The following LIPI variants were observed in gnomAD, a reference collection of about 807,000 sequenced individuals.
LIPI encodes lipase I.
Under a neutral mutation model 50.6 loss-of-function variants are expected in LIPI, and 59 were observed. The ratio of observed to expected loss-of-function variants is 1.16; its 90% CI spans 0.94 to 1.45. The LOEUF is 1.45. LIPI is among the 40% of genes most tolerant of loss of function. The pLI is 0.00. For missense variants in LIPI, 586 were observed against 536.3 expected (o/e 1.09, Z -0.92); for synonymous variants, 203 against 178.2 (o/e 1.14, Z -1.11).
chr21:14,191,776 GAAACTT>G (rs1214831711), intron 1 of LIPI, among the ~76,000 whole-genome samples: 2 of 152,130 alleles, frequency 1.3e-5, no homozygotes, highest in Non-Finnish European at 2.9e-5. Context: ...AGAACCTTAG[GAAACTT>G]AATGCAAGCA....
chr21:14,182,415 T>G (rs2019305129), intron 3 of LIPI, among the ~76,000 whole-genome samples: 1 of 152,160 alleles, frequency 6.6e-6, no homozygotes, highest in African/African-American at 2.4e-5. Context: ...TTCTGGGTTA[T>G]CTTAATTTCT....
chr21:14,145,897 A>G (rs1032780239), intron 8 of LIPI, among the ~76,000 whole-genome samples: 1 of 152,076 alleles, frequency 6.6e-6, no homozygotes, highest in Non-Finnish European at 1.5e-5. Flanking sequence ...AGACACCAGA[A>G]AAAGGACATG....
intron 9 of LIPI, among the ~76,000 whole-genome samples, chr21:14,142,602 C>T (rs2017752880): frequency 6.6e-6 from 1 of 151,308 alleles, no homozygotes; most frequent in Admixed American, 6.6e-5. Context: ...CCCACCTCAG[C>T]CTCCTTAGCA....
At chr21:14,205,777 A>C (rs953795249) in intron 1 of LIPI, among the ~76,000 whole-genome samples, 2 of 152,126 alleles carry the variant, frequency 1.3e-5, no homozygotes, top group Admixed American at 1.3e-4. Flanking sequence ...AATTGCCAAA[A>C]TGAATGGTAT....
intron 3 of LIPI, among the ~76,000 whole-genome samples, chr21:14,183,217 A>C (rs1157915927): frequency 6.6e-6 from 1 of 152,166 alleles, no homozygotes; most frequent in Non-Finnish European, 1.5e-5. Context: ...AAAAACAAGA[A>C]ATGGGGAAAG....
chr21:14,180,917 C>T (rs940104897), intron 4 of LIPI, among the ~76,000 whole-genome samples: 3 of 152,208 alleles, frequency 2.0e-5, no homozygotes, highest in East Asian at 3.9e-4. Flanking sequence ...TCTATCTTAC[C>T]ACCATATCCT....
intron 1 of LIPI, among the ~76,000 whole-genome samples, chr21:14,199,516 C>A (rs1195628994): frequency 6.6e-6 from 1 of 151,616 alleles, no homozygotes; most frequent in East Asian, 1.9e-4. Context: ...TGGACAAATA[C>A]ATCCTCCCAA....
intron 3 of LIPI, among the ~76,000 whole-genome samples, chr21:14,182,877 T>G (rs926258456): frequency 3.9e-5 from 6 of 152,112 alleles, no homozygotes; most frequent in Middle Eastern, 3.4e-3. Context: ...TGCTCATGGG[T>G]AGGAAGAATC....
At chr21:14,174,042 A>C (rs1280132461) in intron 4 of LIPI, among the ~76,000 whole-genome samples, 1 of 152,174 alleles carries the variant, frequency 6.6e-6, no homozygotes, top group African/African-American at 2.4e-5. Flanking sequence ...GATTTGTGAA[A>C]TTTCCTCATA....
chr21:14,208,502 G>T (rs1489093777), intron 1 of LIPI, among the ~76,000 whole-genome samples: 1 of 152,140 alleles, frequency 6.6e-6, no homozygotes, highest in African/African-American at 2.4e-5. Flanking sequence ...AGTCTGGTTG[G>T]CAAGCTAAGA....
chr21:14,174,852 TG>T (rs2123212246), intron 4 of LIPI, among the ~76,000 whole-genome samples: 1 of 152,208 alleles, frequency 6.6e-6, no homozygotes, highest in South Asian at 2.1e-4. Flanking sequence ...GCACCCGGCC[TG>T]TTTTCATTCT....
chr21:14,206,900 A>G, intron 1 of LIPI: 1 of 1,611,202 alleles, frequency 6.2e-7, no homozygotes, highest in Middle Eastern at 1.7e-4. Context: ...GGCACAAGTT[A>G]TTATGTAAAC....
chr21:14,204,624 A>G lies in LIPI; in HGVS notation c.46+6176T>C, dbSNP rs189961343. The stretch of plus-strand genomic sequence containing the variant: ...CCAATTAAAAAGAGGCCTGTGAAAC[A>G]GAACCAAAAATAGTTTAATGAAATA... On this transcript the variant is annotated intron_variant, in intron 1 of 9. Transcript: ENST00000681601. Among the ~76,000 whole-genome samples, 10 of 152,156 alleles carry G rather than the reference A, an allele frequency of 6.6e-5. No individual in the cohort carries two copies. The East Asian group carries it at 1.3e-3, about 21-fold the overall frequency.
chr21:14,210,733 G>C, intron 1 of LIPI, 67 bp downstream of exon 1: 1 of 550,428 alleles, frequency 1.8e-6, no homozygotes, highest in Non-Finnish European at 2.6e-6. Context: ...CTTTATCCCA[G>C]AATACAGACC....
chr21:14,179,091 T>C (rs189196925), intron 4 of LIPI, among the ~76,000 whole-genome samples: 9 of 152,150 alleles, frequency 5.9e-5, no homozygotes, highest in African/African-American at 2.2e-4. Context: ...AATATGAGGG[T>C]TTCAAAAGCA....
At chr21:14,192,542 C>T (rs1568880449) in intron 1 of LIPI, among the ~76,000 whole-genome samples, 1 of 151,988 alleles carries the variant, frequency 6.6e-6, no homozygotes, top group Non-Finnish European at 1.5e-5. Flanking sequence ...AATGTATTGT[C>T]AAACTCTTAA....
chr21:14,173,009 TAGAACAAGAG>T (rs1278978496), intron 4 of LIPI, among the ~76,000 whole-genome samples: 1 of 152,116 alleles, frequency 6.6e-6, no homozygotes, highest in Non-Finnish European at 1.5e-5. Flanking sequence ...AACAGTTAAG[TAGAACAAGAG>T]GACAGGAAGG....
chr21:14,173,073 G>C (rs868638840), intron 4 of LIPI, among the ~76,000 whole-genome samples: 1 of 152,142 alleles, frequency 6.6e-6, no homozygotes, highest in African/African-American at 2.4e-5. Flanking sequence ...ATTTGGTTTA[G>C]GAATTTGCCA....
At chr21:14,150,556 T>A (rs1254790915) in intron 8 of LIPI, among the ~76,000 whole-genome samples, 1 of 152,224 alleles carries the variant, frequency 6.6e-6, no homozygotes, top group Non-Finnish European at 1.5e-5. Context: ...AATGCCTGAA[T>A]AAGTTTGATG....
Sources: gnomAD v4.1 joint callset for allele counts (sites outside exome capture counted in the v4.1 genomes callset) on GRCh38, gnomAD v4.1.1 for gene constraint, MANE v1.5 for transcripts, NCBI Gene and HGNC (gene_info 2026-07-23, HGNC 2026-07-21) for gene names.